The following DAGLA variants were observed in gnomAD, a reference collection of about 807,000 sequenced individuals.
The protein encoded by DAGLA is diacylglycerol lipase-alpha.
A neutral mutation model predicts 102.6 loss-of-function variants in DAGLA; 22 were observed. That is an observed-to-expected ratio of 0.21 (90% confidence interval 0.15 to 0.31). The LOEUF is 0.31. Ranked by LOEUF, DAGLA falls within the 10% of genes least tolerant of loss-of-function variation. The probability of loss-of-function intolerance (pLI) is 1.00; values close to 1 mark genes in which losing one functional copy is unlikely to be tolerated. For missense variants in DAGLA, 927 were observed against 1,446.6 expected (o/e 0.64, Z 5.83); for synonymous variants, 578 against 628.9 (o/e 0.92, Z 1.21).
Position 61,746,818 on chromosome 11 carries a change from C to T in DAGLA, c.*2329C>T, listed in dbSNP as rs2065545017. 1 of 152,628 alleles carries T rather than the reference C, an allele frequency of 6.6e-6. No individual in the cohort carries two copies. The highest frequency in any genetic ancestry group is 2.4e-5 in the African/African-American group (1 of 41,466). The allele number at this position is 152,628 out of a possible 1,614,324, so 9.5% of individuals were successfully genotyped here. A position where few individuals can be genotyped will look rare whatever the true frequency, so the allele number is the denominator to read the frequency against. The stretch of plus-strand genomic sequence containing the variant: ...GTAGCGAGCAGCCGGGCCCCACAGA[C>T]CCTCATGCACTCTCTTACGTGCCAT... On this transcript the variant is annotated 3_prime_UTR_variant, in exon 20 of 20. Transcript: ENST00000257215.
chr11:61,731,716 T>G (rs1404221142), intron 9 of DAGLA, among the ~76,000 whole-genome samples: 2 of 152,168 alleles, frequency 1.3e-5, no homozygotes, highest in African/African-American at 4.8e-5. Context: ...ATCTGCGAAG[T>G]GGAGATGTTG....
intron 19 of DAGLA, among the ~76,000 whole-genome samples, chr11:61,742,296 C>T (rs529103703): frequency 5.3e-5 from 8 of 152,266 alleles, no homozygotes; most frequent in South Asian, 2.1e-4. Flanking sequence ...TTGAGGGGTG[C>T]GAGGCTCTTA....
At position 61,744,431 on chromosome 11, in the gene DAGLA, C is replaced by G. The variant is rs552828851; in HGVS notation, c.3071C>G (p.Pro1024Arg). The G allele has an allele frequency of 6.2e-7, 1 of 1,603,488 alleles. No homozygotes were observed. The highest frequency in any genetic ancestry group is 1.1e-5 in the South Asian group (1 of 90,314). ...LAADKIRTST[P>R]TGHGASPAKQ... ...GCTGACAAGATCCGGACTTCTACCC[C>G]CACTGGCCACGGAGCCAGCCCCGCC... The change falls in exon 20 of 20, where the codon CCC becomes CGC. Residue 1024 changes from proline (P) to arginine (R), a missense_variant. By Grantham distance (103) the Pro-to-Arg change is moderately radical. This residue lies in a region of DAGLA where 434 missense variants were observed against 503.3 expected (regional missense o/e 0.86). Transcript: ENST00000257215.
intron 1 of DAGLA, among the ~76,000 whole-genome samples, chr11:61,714,749 T>C (rs1053846690): frequency 6.6e-6 from 1 of 152,166 alleles, no homozygotes; most frequent in African/African-American, 2.4e-5. Context: ...TCCTCGCCCA[T>C]GAAAGGGGAC....
In DAGLA at chr11:61,743,637, G is replaced by T; in HGVS notation, c.2277G>T (p.Leu759=). The T allele has an allele frequency of 1.3e-6, 2 of 1,598,174 alleles. No individual in the cohort carries two copies. The highest frequency in any genetic ancestry group is 8.5e-7 in the Non-Finnish European group (1 of 1,176,062). Residue 759 remains leucine, a synonymous_variant, in exon 20 of 20, where the codon CTG becomes CTT. Transcript: ENST00000257215. ...AARQDPVELL[L]LSTQERLAAE... ...GCCAGGACCCGGTGGAGCTGCTGCT[G>T]CTGTCTACCCAGGAGCGGCTGGCGG...
intron 1 of DAGLA, among the ~76,000 whole-genome samples, chr11:61,714,859 T>C (rs2065223942): frequency 6.6e-6 from 1 of 152,222 alleles, no homozygotes; most frequent in Non-Finnish European, 1.5e-5. Flanking sequence ...GCCTGGCCTC[T>C]TGATCCTCGG....
chr11:61,743,497 A>G (rs760814888), intron 19 of DAGLA, 35 bp from the exon 20 acceptor site: 8 of 1,476,602 alleles, frequency 5.4e-6, no homozygotes, highest in Non-Finnish European at 5.4e-6. Flanking sequence ...CTCCCTTCTG[A>G]GTCTTATACC....
chr11:61,697,753 T>C (rs2065078607), intron 1 of DAGLA, among the ~76,000 whole-genome samples: 1 of 152,098 alleles, frequency 6.6e-6, no homozygotes, highest in African/African-American at 2.4e-5. Context: ...CAATCATAGC[T>C]CAGTGCACTC....
chr11:61,740,521 A>G lies in DAGLA; in HGVS notation c.1912A>G (p.Asn638Asp), dbSNP rs751798528. Residue 638 changes from asparagine to aspartate, a missense_variant, in exon 18 of 20, where the codon AAT becomes GAT. This residue lies in a region of DAGLA where 218 missense variants were observed against 459.6 expected (regional missense o/e 0.47). Coordinates refer to ENST00000257215, the MANE Select transcript of DAGLA (RefSeq NM_006133.3). ...FAIWGDNKAF[N>D]EVIISPAMLH... is the part of the protein sequence containing the mutation. Reference sequence around the variant, plus strand: ...CATCTGGGGCGACAACAAGGCCTTCAATGAGGTGATCATCTCGCCAGCCAT... The same window carrying G: ...CATCTGGGGCGACAACAAGGCCTTCGATGAGGTGATCATCTCGCCAGCCAT... 6 of 1,613,746 alleles carry G rather than the reference A, an allele frequency of 3.7e-6. No individual in the cohort carries two copies. Among genetic ancestry groups the G allele is most frequent in the Non-Finnish European group, 4.2e-6 (5 of 1,179,988 alleles).
In DAGLA at chr11:61,706,482, C is replaced by T. The variant is rs558324405; in HGVS notation, c.-44-13630C>T. On this transcript the variant is annotated intron_variant, in intron 1 of 19. Coordinates refer to ENST00000257215, the MANE Select transcript of DAGLA (RefSeq NM_006133.3). ...TCCCTCAGTGTTGGGGTTTTATCTG[C>T]TGGCCGAGGGCCCTGCTCGTGGTTG... Among the ~76,000 whole-genome samples, 307 of 152,308 alleles carry T rather than the reference C, an allele frequency of 2.0e-3. 3 individuals are homozygous for T. The highest frequency in any genetic ancestry group is 2.8e-3 in the Non-Finnish European group (190 of 68,026).
chr11:61,711,631 G>A (rs1390816521), intron 1 of DAGLA, among the ~76,000 whole-genome samples: 1 of 152,228 alleles, frequency 6.6e-6, no homozygotes, highest in Non-Finnish European at 1.5e-5. Flanking sequence ...AGCAGGAAAC[G>A]AAAGGCCTCA....
At chr11:61,685,137 T>A (rs548852823) in intron 1 of DAGLA, among the ~76,000 whole-genome samples, 1 of 152,134 alleles carries the variant, frequency 6.6e-6, no homozygotes, top group Admixed American at 6.5e-5. Context: ...TGGGTAGTTA[T>A]GACTTCAGAC....
intron 13 of DAGLA, 112 bp from the exon 14 acceptor site, chr11:61,737,070 A>T: frequency 6.8e-7 from 1 of 1,463,368 alleles, no homozygotes; most frequent in East Asian, 2.3e-5. Flanking sequence ...CAGCACAGAC[A>T]AGATCCCAGG....
In DAGLA at chr11:61,723,571, C is replaced by A. The variant is rs143010103; in HGVS notation, c.547C>A (p.Arg183=). The change falls in exon 5 of 20, where the codon CGG becomes AGG. Residue 183 remains arginine, a splice_region_variant and synonymous_variant. Coordinates refer to ENST00000257215, the MANE Select transcript of DAGLA (RefSeq NM_006133.3). ...GCGTAACCTGCGGACCTACAACCTGCGGTCAGTCAGCGGGCTGGGTGGGCA... is the reference window on the plus strand; with the variant it reads ...GCGTAACCTGCGGACCTACAACCTGAGGTCAGTCAGCGGGCTGGGTGGGCA... ...RQRNLRTYNL[R]HRLEEGQATS... is the part of the protein sequence containing the mutation. 9.1e-5 allele frequency: 146 copies of A among 1,612,744 alleles called. 4 individuals are homozygous for A. The South Asian group carries it at 1.5e-3, about 17-fold the overall frequency.
intron 1 of DAGLA, among the ~76,000 whole-genome samples, chr11:61,702,810 A>G (rs754406063): frequency 6.6e-6 from 1 of 152,186 alleles, no homozygotes; most frequent in Non-Finnish European, 1.5e-5. Flanking sequence ...AGGCTTGTCA[A>G]TGCTAGGGAG....
At chr11:61,735,133 C>T in intron 10 of DAGLA, 131 bp downstream of exon 10, 1 of 1,105,624 alleles carries the variant, frequency 9.0e-7, no homozygotes, top group Non-Finnish European at 1.3e-6. Context: ...TTCCAGGCAT[C>T]CCTAGCTGGG....
In DAGLA at chr11:61,726,093, G is replaced by T. The variant is rs749156971; in HGVS notation, c.636+11G>T. ...AAGGACTCCCAGTCAGTAAGTACTG[G>T]GAGGTCGCTCCCCTCTGGCTCACAT... On this transcript the variant is annotated intron_variant, in intron 6 of 19. Coordinates refer to ENST00000257215, the MANE Select transcript of DAGLA (RefSeq NM_006133.3). The T allele has an allele frequency of 6.2e-7, 1 of 1,609,748 alleles. No individual in the cohort carries two copies. Among genetic ancestry groups the T allele is most frequent in the East Asian group, 2.2e-5 (1 of 44,872 alleles).
At chr11:61,706,248 C>T (rs998398177) in intron 1 of DAGLA, among the ~76,000 whole-genome samples, 2 of 152,208 alleles carry the variant, frequency 1.3e-5, no homozygotes, top group Non-Finnish European at 2.9e-5. Context: ...GCTTTGGAGC[C>T]TTCACCCTTG....
At chr11:61,689,816 G>C (rs963458221) in intron 1 of DAGLA, among the ~76,000 whole-genome samples, 1 of 152,062 alleles carries the variant, frequency 6.6e-6, no homozygotes, top group African/African-American at 2.4e-5. Context: ...TTTTGGTACT[G>C]CTTCTATCCA....
Sources: allele counts gnomAD v4.1 joint callset (sites outside exome capture counted in the v4.1 genomes callset), GRCh38; gene constraint gnomAD v4.1.1; regional missense constraint gnomAD v4.1.1; transcripts MANE v1.5; gene names NCBI Gene and HGNC (gene_info 2026-07-23, HGNC 2026-07-21).